VWA8: variants seen among roughly 807,000 people sequenced by gnomAD.
VWA8 encodes von Willebrand factor A domain containing 8.
Under a neutral mutation model 241.5 loss-of-function variants are expected in VWA8, and 221 were observed. That is an observed-to-expected ratio of 0.91 (90% CI 0.82 to 1.02). The LOEUF (loss-of-function observed/expected upper bound fraction) is 1.02. VWA8 is among the 50% of genes least tolerant of loss of function. VWA8 has a pLI of 0.00. For synonymous variants in VWA8, 852 were observed against 827.1 expected (o/e 1.03, Z -0.52); for missense variants, 2,322 against 2,328.7 (o/e 1.00, Z 0.06).
chr13:41,844,168 A>G (rs1393955755), intron 12 of VWA8, among the ~76,000 whole-genome samples: 1 of 152,230 alleles, frequency 6.6e-6, no homozygotes, highest in African/African-American at 2.4e-5. Context: ...CCTGGGACAC[A>G]GAGTTGATTC....
intron 17 of VWA8, among the ~76,000 whole-genome samples, chr13:41,795,394 C>G (rs920926643): frequency 1.3e-5 from 2 of 152,122 alleles, no homozygotes; most frequent in African/African-American, 2.4e-5. Context: ...GTGATGATTC[C>G]TCAAAGATCT....
At chr13:41,950,672 T>C (rs555460598) in intron 1 of VWA8, among the ~76,000 whole-genome samples, 8 of 147,990 alleles carry the variant, frequency 5.4e-5, no homozygotes, top group African/African-American at 2.0e-4. Flanking sequence ...TCAGCCTTTT[T>C]TTTTTTTTTT....
At position 41,886,804 on chromosome 13, in the gene VWA8, A is replaced by G. The variant is rs1593845966; in HGVS notation, c.843T>C (p.Ile281=). 6.3e-7 allele frequency: 1 copy of G among 1,593,382 alleles called. No homozygotes were observed. The highest frequency in any genetic ancestry group is 8.5e-7 in the Non-Finnish European group (1 of 1,173,130). ...FKDQLKLLYS[I]GANVSAEKVS... ...ACTTCTCAGCAGAAACATTGGCTCC[A>G]ATTGAATATAACAACTTAAGTTGGT... Residue 281 remains isoleucine, a synonymous_variant, in exon 7 of 45, where the codon ATT becomes ATC. Transcript: ENST00000379310.
intron 16 of VWA8, 134 bp downstream of exon 16, chr13:41,816,564 C>G: frequency 1.3e-6 from 1 of 747,236 alleles, no homozygotes; most frequent in East Asian, 2.7e-5. Context: ...ATGCATAGAA[C>G]AAAGGCATAG....
At chr13:41,810,816 C>T (rs566247574) in intron 17 of VWA8, among the ~76,000 whole-genome samples, 14 of 152,168 alleles carry the variant, frequency 9.2e-5, no homozygotes, top group African/African-American at 3.4e-4. Flanking sequence ...ATAGATATGG[C>T]ATTCACCCTG....
rs1481852031 is a variant in VWA8 at position 41,727,244 on chromosome 13, G to T, written c.2708C>A (p.Ala903Glu). The T allele has an allele frequency of 1.3e-6, 2 of 1,551,912 alleles. No homozygotes were observed. The highest frequency in any genetic ancestry group is 2.7e-5 in the African/African-American group (2 of 72,886). The change falls in exon 24 of 45, where the codon GCA becomes GAA. Residue 903 changes from alanine (A) to glutamate (E), a missense_variant. Ala to Glu is a moderately radical substitution (Grantham distance 107, BLOSUM62 -1). Transcript: ENST00000379310. The part of the protein sequence containing the change: ...IHPDFRMIVL[A>E]NRPGFPFLGN... ...TAGGAAAGGAAATCCAGGTCTATTT[G>T]CCAGAACAATCATCCTAAAATCAGG...
chr13:41,920,716 A>G (rs1876482525), intron 2 of VWA8, among the ~76,000 whole-genome samples: 1 of 152,220 alleles, frequency 6.6e-6, no homozygotes, highest in Non-Finnish European at 1.5e-5. Flanking sequence ...CTCGACACAT[A>G]CACCCTCCCA....
intron 17 of VWA8, among the ~76,000 whole-genome samples, chr13:41,799,119 T>C (rs182372595): frequency 5.6e-4 from 86 of 152,344 alleles, no homozygotes; most frequent in African/African-American, 2.0e-3. Flanking sequence ...AATTGTTCTA[T>C]TATTTTTAGT....
At chr13:41,654,069 A>G (rs2044885541) in intron 37 of VWA8, among the ~76,000 whole-genome samples, 1 of 152,206 alleles carries the variant, frequency 6.6e-6, no homozygotes, top group African/African-American at 2.4e-5. Context: ...AAACAAACAC[A>G]CACACAAAGG....
At chr13:41,640,488 A>C (rs1408400414) in intron 37 of VWA8, among the ~76,000 whole-genome samples, 1 of 151,480 alleles carries the variant, frequency 6.6e-6, no homozygotes, top group African/African-American at 2.4e-5. Context: ...ACTAAGACTA[A>C]GAGAGGAAAT....
rs1431404727 is a variant in VWA8 at position 41,887,248 on chromosome 13, G to C, written c.765C>G (p.Pro255=). The C allele has an allele frequency of 1.9e-6, 3 of 1,613,354 alleles. No homozygotes were observed. The highest frequency in any genetic ancestry group is 1.7e-6 in the Non-Finnish European group (2 of 1,179,732). The part of the protein sequence containing the change: ...VPRYSGNPLD[P]PLRSRFQARD... The stretch of plus-strand genomic sequence containing the variant: ...TGGCTTGAAATCGAGAACGAAGAGG[G>C]GGGTCTAATGGATTCCCAGAATACC... Residue 255 remains proline, a synonymous_variant, in exon 6 of 45, where the codon CCC becomes CCG. Coordinates refer to ENST00000379310, the MANE Select transcript of VWA8 (RefSeq NM_015058.2).
intron 9 of VWA8, among the ~76,000 whole-genome samples, chr13:41,874,217 C>T (rs1873788318): frequency 6.7e-6 from 1 of 150,374 alleles, no homozygotes; most frequent in Non-Finnish European, 1.5e-5. Context: ...GACAAACCCA[C>T]AGCCAATATC....
intron 16 of VWA8, among the ~76,000 whole-genome samples, chr13:41,813,332 A>C (rs1209001415): frequency 6.6e-6 from 1 of 152,186 alleles, no homozygotes; most frequent in Non-Finnish European, 1.5e-5. Flanking sequence ...TTATGGCAAC[A>C]AGAATGGAGA....
At chr13:41,859,090 A>T (rs988569270) in intron 12 of VWA8, among the ~76,000 whole-genome samples, 4 of 151,500 alleles carry the variant, frequency 2.6e-5, no homozygotes, top group African/African-American at 4.8e-5. Flanking sequence ...AAAAAAAAAA[A>T]TTTAAAAAGT....
At chr13:41,947,277 G>A (rs1163715040) in intron 2 of VWA8, among the ~76,000 whole-genome samples, 2 of 152,154 alleles carry the variant, frequency 1.3e-5, no homozygotes, top group East Asian at 3.9e-4. Flanking sequence ...AGAATCTGAA[G>A]AGTGAACAAA....
chr13:41,683,955 A>G (rs536437916), intron 35 of VWA8, among the ~76,000 whole-genome samples: 1 of 152,314 alleles, frequency 6.6e-6, no homozygotes, highest in Admixed American at 6.5e-5. Context: ...AAGTCCTTGC[A>G]TCTTTCACAT....
intron 34 of VWA8, among the ~76,000 whole-genome samples, chr13:41,688,634 C>G (rs185830700): frequency 6.6e-6 from 1 of 152,036 alleles, no homozygotes; most frequent in African/African-American, 2.4e-5. Flanking sequence ...TAAATCAGAG[C>G]AAAACTCAAT....
intron 21 of VWA8, 119 bp from the exon 22 acceptor site, chr13:41,732,274 T>TC (rs2045491000): frequency 1.3e-6 from 1 of 784,676 alleles, no homozygotes. Flanking sequence ...CTGCTTCCCC[T>TC]TCCCCCACCA....
intron 8 of VWA8, among the ~76,000 whole-genome samples, chr13:41,884,251 C>T (rs937798536): frequency 2.6e-5 from 4 of 152,202 alleles, no homozygotes; most frequent in African/African-American, 4.8e-5. Context: ...TGGGAGACAA[C>T]TGAATCATGG....
Sources: gnomAD v4.1 joint callset for allele counts (sites outside exome capture counted in the v4.1 genomes callset) on GRCh38, gnomAD v4.1.1 for gene constraint, MANE v1.5 for transcripts, NCBI Gene and HGNC (gene_info 2026-07-23, HGNC 2026-07-21) for gene names.